The following E2F3 variants were observed in gnomAD, a reference collection of about 807,000 sequenced individuals.
E2F3 encodes E2F transcription factor 3, also known as transcription factor E2F3.
E2F3 carries 11 observed loss-of-function variants against 44.4 expected under a neutral mutation model. The observed-to-expected ratio is 0.25, with a 90% CI of 0.16 to 0.41. The LOEUF (loss-of-function observed/expected upper bound fraction) is 0.41, where lower values mean the gene tolerates loss of function less well. Among genes scored for constraint, E2F3 ranks in the 10% least tolerant of loss-of-function variants. The probability of loss-of-function intolerance (pLI) is 1.00; values close to 1 mark genes in which losing one functional copy is unlikely to be tolerated. For missense variants in E2F3, 487 were observed against 583.6 expected, an observed-to-expected ratio of 0.83 and a Z score of 1.70; for synonymous variants, 249 against 253.0, an observed-to-expected ratio of 0.98 and a Z score of 0.15.
intron 1 of E2F3, among the ~76,000 whole-genome samples, chr6:20,417,914 A>G (rs1299763821): frequency 1.3e-5 from 2 of 152,110 alleles, no homozygotes; most frequent in Non-Finnish European, 2.9e-5. Flanking sequence ...CTGTCTACCT[A>G]CAGCCAAAAC....
At chr6:20,420,981 C>T (rs1760007714) in intron 1 of E2F3, among the ~76,000 whole-genome samples, 1 of 152,178 alleles carries the variant, frequency 6.6e-6, no homozygotes, top group Admixed American at 6.5e-5. Context: ...ATGCAATATC[C>T]CAAATCCTTT....
intron 4 of E2F3, among the ~76,000 whole-genome samples, chr6:20,483,805 A>G (rs1183773764): frequency 1.3e-5 from 2 of 152,224 alleles, no homozygotes; most frequent in Non-Finnish European, 2.9e-5. Flanking sequence ...CACATTTACC[A>G]TTATTTGACA....
chr6:20,479,789 C>T, intron 1 of E2F3, 57 bp from the exon 2 acceptor site: 1 of 1,495,114 alleles, frequency 6.7e-7, no homozygotes, highest in Admixed American at 1.9e-5. Flanking sequence ...CAAACTGCCT[C>T]CCTTCTTGTT....
intron 1 of E2F3, among the ~76,000 whole-genome samples, chr6:20,419,554 TTTAC>T (rs35232215): frequency 0.14 from 19,773 of 137,824 alleles, 1,739 homozygotes; most frequent in East Asian, 0.42. Flanking sequence ...TATTTATTTA[TTTAC>T]TTACTTACTT....
chr6:20,431,882 A>G (rs1385872353), intron 1 of E2F3, among the ~76,000 whole-genome samples: 1 of 152,220 alleles, frequency 6.6e-6, no homozygotes, highest in African/African-American at 2.4e-5. Context: ...CCTGATCTGG[A>G]GACTGGAAGT....
intron 1 of E2F3, among the ~76,000 whole-genome samples, chr6:20,436,494 G>GAA (rs71767470): frequency 0.025 from 3,714 of 147,878 alleles, 156 homozygotes; most frequent in African/African-American, 0.087. Flanking sequence ...GAGAGAGAGA[G>GAA]AAAAATTTTG....
intron 6 of E2F3, 149 bp downstream of exon 6, chr6:20,488,397 A>C (rs1762459461): frequency 1.9e-6 from 2 of 1,037,442 alleles, no homozygotes; most frequent in African/African-American, 3.4e-5. Context: ...ACTGGTTTGC[A>C]GAAGAAAATA....
intron 1 of E2F3, among the ~76,000 whole-genome samples, chr6:20,464,154 C>T (rs1333134982): frequency 1.3e-5 from 2 of 152,300 alleles, no homozygotes; most frequent in South Asian, 2.1e-4. Context: ...CCCAGTCCTT[C>T]GGGGGCTTTT....
At chr6:20,405,633 GC>G (rs1442862792) in intron 1 of E2F3, among the ~76,000 whole-genome samples, 1 of 152,128 alleles carries the variant, frequency 6.6e-6, no homozygotes, top group East Asian at 1.9e-4. Flanking sequence ...GACCATCCTG[GC>G]CAACATGGTG....
chr6:20,465,662 A>C (rs1426174343), intron 1 of E2F3, among the ~76,000 whole-genome samples: 2 of 152,140 alleles, frequency 1.3e-5, no homozygotes, highest in African/African-American at 2.4e-5. Context: ...TTGCATCCTC[A>C]TAGCTTAGCT....
intron 1 of E2F3, among the ~76,000 whole-genome samples, chr6:20,461,699 C>T (rs540074477): frequency 6.6e-5 from 10 of 152,262 alleles, no homozygotes; most frequent in African/African-American, 2.4e-4. Flanking sequence ...TTACTCACTA[C>T]TATATTTGTG....
Position 20,466,971 on chromosome 6 carries a change from C to T in E2F3, c.394-12875C>T, listed in dbSNP as rs548617809. 9.8e-5 allele frequency among the ~76,000 whole-genome samples: 15 copies of T among 152,290 alleles called. 1 individual carries two copies. In the South Asian group the frequency reaches 3.1e-3, roughly 32 times the overall value. ...CTGGGATTACAGGTGTGAACAACCG[C>T]GCCCGGCCCAGTGTGTTCTTATTCA... On this transcript the variant is annotated intron_variant, in intron 1 of 6. Transcript: ENST00000346618.
intron 1 of E2F3, among the ~76,000 whole-genome samples, chr6:20,469,174 T>C (rs1045994512): frequency 1.3e-5 from 2 of 152,238 alleles, no homozygotes; most frequent in African/African-American, 4.8e-5. Flanking sequence ...AGTCTCAGTA[T>C]ATTATTTGAT....
intron 1 of E2F3, among the ~76,000 whole-genome samples, chr6:20,451,801 G>T (rs905436145): frequency 1.5e-4 from 23 of 152,174 alleles, no homozygotes; most frequent in African/African-American, 5.5e-4. Flanking sequence ...AGCCTTTTCA[G>T]CATCTATTGA....
chr6:20,461,471 G>A (rs1424881013), intron 1 of E2F3, among the ~76,000 whole-genome samples: 1 of 152,148 alleles, frequency 6.6e-6, no homozygotes, highest in Non-Finnish European at 1.5e-5. Flanking sequence ...TCCAGCCTGG[G>A]CGACAGAGCG....
chr6:20,449,729 C>T (rs1033306379), intron 1 of E2F3, among the ~76,000 whole-genome samples: 2 of 152,096 alleles, frequency 1.3e-5, no homozygotes, highest in South Asian at 4.1e-4. Flanking sequence ...AGGTATTAAG[C>T]CTAGTACCCA....
intron 1 of E2F3, among the ~76,000 whole-genome samples, chr6:20,463,727 G>A (rs954872406): frequency 3.3e-5 from 5 of 152,160 alleles, no homozygotes; most frequent in African/African-American, 9.7e-5. Context: ...TAGACATCAA[G>A]CAAGCAATTC....
chr6:20,461,898 C>T (rs1761522305), intron 1 of E2F3, among the ~76,000 whole-genome samples: 1 of 152,236 alleles, frequency 6.6e-6, no homozygotes, highest in South Asian at 2.1e-4. Context: ...AGCATAGTAT[C>T]AGTTTCTCGT....
At chr6:20,467,869 C>T (rs977037541) in intron 1 of E2F3, among the ~76,000 whole-genome samples, 3 of 151,694 alleles carry the variant, frequency 2.0e-5, no homozygotes, top group African/African-American at 4.8e-5. Context: ...ACTGATGCCA[C>T]TCCATACCAT....
Sources: allele counts gnomAD v4.1 joint callset (sites outside exome capture counted in the v4.1 genomes callset), GRCh38; gene constraint gnomAD v4.1.1; transcripts MANE v1.5; gene names NCBI Gene and HGNC (gene_info 2026-07-23, HGNC 2026-07-21).